CDK6: variants seen among roughly 807,000 people sequenced by gnomAD.
The protein encoded by CDK6 is cyclin dependent kinase 6.
Under a neutral mutation model 37.1 loss-of-function variants are expected in CDK6, and 6 were observed. The ratio of observed to expected loss-of-function variants is 0.16; its 90% CI spans 0.09 to 0.32. The LOEUF is 0.32. Ranked by LOEUF, CDK6 falls within the 10% of genes least tolerant of loss-of-function variation. The pLI, the probability that CDK6 is intolerant of heterozygous loss-of-function variation, is 1.00. For missense variants in CDK6, 224 were observed against 418.9 expected (o/e 0.53, Z 4.06); for synonymous variants, 160 against 161.3 (o/e 0.99, Z 0.06).
intron 3 of CDK6, among the ~76,000 whole-genome samples, chr7:92,747,008 C>T (rs1399148071): frequency 1.3e-5 from 2 of 152,060 alleles, no homozygotes; most frequent in Non-Finnish European, 2.9e-5. Context: ...AGTATTGTGG[C>T]ACCTCTCCTA....
intron 3 of CDK6, among the ~76,000 whole-genome samples, chr7:92,728,735 A>G (rs1381277141): frequency 6.6e-6 from 1 of 152,200 alleles, no homozygotes. Flanking sequence ...AAGAATGACC[A>G]TTCTTTAGAT....
At chr7:92,759,787 C>T (rs1799409932) in intron 3 of CDK6, among the ~76,000 whole-genome samples, 2 of 150,844 alleles carry the variant, frequency 1.3e-5, no homozygotes, top group African/African-American at 4.9e-5. Flanking sequence ...CCCCTTTTAT[C>T]CCATTTAATT....
intron 5 of CDK6, among the ~76,000 whole-genome samples, chr7:92,662,500 A>G (rs957022944): frequency 2.6e-5 from 4 of 152,192 alleles, no homozygotes; most frequent in Non-Finnish European, 5.9e-5. Context: ...GTCTCTAAGT[A>G]GAGCTTTCTT....
intron 4 of CDK6, among the ~76,000 whole-genome samples, chr7:92,706,408 A>G (rs1256165601): frequency 2.0e-5 from 3 of 152,242 alleles, no homozygotes; most frequent in Non-Finnish European, 2.9e-5. Flanking sequence ...TCTTTTTAAA[A>G]AAGCTAATTT....
At chr7:92,734,771 G>C (rs1173134758) in intron 3 of CDK6, among the ~76,000 whole-genome samples, 7 of 152,176 alleles carry the variant, frequency 4.6e-5, no homozygotes, top group Admixed American at 4.6e-4. Context: ...ATATAAATCA[G>C]TATTCGTACC....
At chr7:92,790,639 G>A (rs1424135102) in intron 2 of CDK6, among the ~76,000 whole-genome samples, 3 of 151,956 alleles carry the variant, frequency 2.0e-5, no homozygotes, top group South Asian at 2.1e-4. Context: ...GTATGTCTGC[G>A]GTATACACAG....
At chr7:92,664,306 G>A (rs1392019861) in intron 5 of CDK6, among the ~76,000 whole-genome samples, 1 of 152,190 alleles carries the variant, frequency 6.6e-6, no homozygotes, top group African/African-American at 2.4e-5. Flanking sequence ...AACCTGAAAT[G>A]ATGGGTTTCT....
chr7:92,801,935 G>A (rs1022988471), intron 2 of CDK6, among the ~76,000 whole-genome samples: 10 of 148,730 alleles, frequency 6.7e-5, no homozygotes, highest in African/African-American at 2.0e-4. Flanking sequence ...CTCTCTTTTC[G>A]TCTCCTCTTC....
chr7:92,652,112 C>T (rs1041746375), intron 5 of CDK6, among the ~76,000 whole-genome samples: 1 of 152,180 alleles, frequency 6.6e-6, no homozygotes, highest in Non-Finnish European at 1.5e-5. Flanking sequence ...AAATACTGAA[C>T]ATTTTGATTA....
At chr7:92,724,140 C>A (rs755692029) in intron 4 of CDK6, among the ~76,000 whole-genome samples, 2 of 152,108 alleles carry the variant, frequency 1.3e-5, no homozygotes, top group East Asian at 1.9e-4. Flanking sequence ...AAACAACATG[C>A]GCAACAACTT....
intron 3 of CDK6, among the ~76,000 whole-genome samples, chr7:92,758,671 G>C (rs545319603): frequency 6.6e-6 from 1 of 152,188 alleles, no homozygotes; most frequent in African/African-American, 2.4e-5. Flanking sequence ...GTTCTGTGAA[G>C]AATGTCTTTG....
chr7:92,750,917 T>C (rs963460416), intron 3 of CDK6, among the ~76,000 whole-genome samples: 2 of 152,218 alleles, frequency 1.3e-5, no homozygotes, highest in African/African-American at 4.8e-5. Flanking sequence ...CATTCATTCC[T>C]AGGTTTTGAG....
At chr7:92,822,268 T>G (rs1441132820) in intron 2 of CDK6, among the ~76,000 whole-genome samples, 2 of 152,142 alleles carry the variant, frequency 1.3e-5, no homozygotes, top group East Asian at 1.9e-4. Flanking sequence ...CAGTAGTGGA[T>G]GAATTAGCTT....
intron 5 of CDK6, among the ~76,000 whole-genome samples, chr7:92,669,129 A>G (rs1383286661): frequency 6.6e-6 from 1 of 152,234 alleles, no homozygotes; most frequent in Non-Finnish European, 1.5e-5. Flanking sequence ...CAATGCTGAG[A>G]TGGAGAGATA....
chr7:92,780,602 T>C (rs1442930191), intron 2 of CDK6, among the ~76,000 whole-genome samples: 1 of 150,718 alleles, frequency 6.6e-6, no homozygotes, highest in Non-Finnish European at 1.5e-5. Flanking sequence ...CTATTAAAAA[T>C]ACAAAAAAAT....
rs150282460 is a variant in CDK6 at position 92,606,643 on chromosome 7, T to TG, written c.*8496_*8497insC. 1.8e-3 allele frequency: 424 copies of TG among 232,904 alleles called. No homozygotes were observed. Among genetic ancestry groups the TG allele is most frequent in the African/African-American group, 8.5e-3 (385 of 45,306 alleles). 14.4% of individuals were successfully genotyped at this position (232,904 alleles called of 1,614,324 possible). A position where few individuals can be genotyped will look rare whatever the true frequency, so the allele number is the denominator to read the frequency against. On this transcript the variant is annotated 3_prime_UTR_variant, in exon 8 of 8. Transcript: ENST00000424848. ...AGTCAAATTTCCAAATTAGATTTTTTTTTTTTACTTTCAAAACATTTTCTA... is the reference window on the plus strand; with the variant it reads ...AGTCAAATTTCCAAATTAGATTTTTTGTTTTTTACTTTCAAAACATTTTCTA...
intron 3 of CDK6, among the ~76,000 whole-genome samples, chr7:92,730,391 A>G (rs1798615648): frequency 6.6e-6 from 1 of 152,220 alleles, no homozygotes; most frequent in African/African-American, 2.4e-5. Context: ...AGAGGAGGCC[A>G]CAGACTAAAA....
At chr7:92,769,214 A>C (rs1384569427) in intron 3 of CDK6, among the ~76,000 whole-genome samples, 1 of 152,132 alleles carries the variant, frequency 6.6e-6, no homozygotes, top group Non-Finnish European at 1.5e-5. Flanking sequence ...CCAATAGAAA[A>C]CTCTAAGAAA....
At chr7:92,731,768 A>C (rs1798656480) in intron 3 of CDK6, among the ~76,000 whole-genome samples, 1 of 152,146 alleles carries the variant, frequency 6.6e-6, no homozygotes, top group African/African-American at 2.4e-5. Flanking sequence ...AAAAAAAGAT[A>C]ATAAGTCATT....
Sources: allele counts gnomAD v4.1 joint callset (sites outside exome capture counted in the v4.1 genomes callset), GRCh38; gene constraint gnomAD v4.1.1; transcripts MANE v1.5; gene names NCBI Gene and HGNC (gene_info 2026-07-23, HGNC 2026-07-21).